The following CLDN14 variants were observed in gnomAD, a reference collection of about 807,000 sequenced individuals.
CLDN14 encodes the protein claudin 14, also known as claudin-14.
A neutral mutation model predicts 2.1 loss-of-function variants in CLDN14; 2 were observed. That is an observed-to-expected ratio of 0.96 (90% CI 0.39 to 3.01). The LOEUF (loss-of-function observed/expected upper bound fraction) is 3.01. Ranked by LOEUF, CLDN14 falls within the 30% of genes most tolerant of loss-of-function variation. The pLI is 0.09. For missense variants in CLDN14, 298 were observed against 328.0 expected (o/e 0.91, Z 0.71); for synonymous variants, 136 against 154.4 (o/e 0.88, Z 0.88).
rs755257925 is a variant in CLDN14 at position 36,486,710 on chromosome 21, A to G, written c.-82+23653T>C. 8.9e-6 allele frequency: 11 copies of G among 1,230,306 alleles called. No homozygotes were observed. The East Asian group carries it at 1.9e-4, about 21-fold the overall frequency. 76.2% of individuals were successfully genotyped at this position (1,230,306 alleles called of 1,614,324 possible). On this transcript the variant is annotated intron_variant, in intron 2 of 2. Coordinates refer to the CLDN14 transcript ENST00000342108. Reference sequence around the variant, plus strand: ...GTCAACATTTACTTTCTCCTTCTTGAGGAATTTAGCCAGTTTCACCAGATC... The same window carrying G: ...GTCAACATTTACTTTCTCCTTCTTGGGGAATTTAGCCAGTTTCACCAGATC...
chr21:36,504,669 C>T lies in CLDN14; in HGVS notation c.-82+5694G>A, dbSNP rs553089692. 8.4e-4 allele frequency among the ~76,000 whole-genome samples: 128 copies of T among 152,226 alleles called. 1 individual carries two copies. Among genetic ancestry groups the T allele is most frequent in the Non-Finnish European group, 1.3e-3 (87 of 68,016 alleles). On this transcript the variant is annotated intron_variant, in intron 2 of 2. Coordinates refer to the CLDN14 transcript ENST00000342108. ...TGGCTTGATAGAAAACAATTGCTTC[C>T]CTTTTATCCACATCCCCAAATTTCA... is the stretch of plus-strand genomic sequence containing the variant.
rs2086556072 is a variant in CLDN14, at chr21:36,460,783, A to G, written c.*193T>C. 6.4e-6 allele frequency: 4 copies of G among 629,246 alleles called. No individual in the cohort carries two copies. The highest frequency in any genetic ancestry group is 2.0e-5 in the South Asian group (1 of 49,318). 39.0% of individuals were successfully genotyped at this position (629,246 alleles called of 1,614,324 possible). ...AGGATTTTTTTTTTCAGTCTTTGGTATAGAGAGCTTTCTCCTCCTCTTATT... is the reference window on the plus strand; with the variant it reads ...AGGATTTTTTTTTTCAGTCTTTGGTGTAGAGAGCTTTCTCCTCCTCTTATT... On this transcript the variant is annotated 3_prime_UTR_variant, in exon 2 of 2. Transcript: ENST00000399135. The surrounding 1 kb of genome is among the most constrained non-coding windows in gnomAD (Gnocchi z 4.0).
intron 1 of CLDN14, among the ~76,000 whole-genome samples, chr21:36,521,693 G>A (rs2087272206): frequency 6.6e-6 from 1 of 152,202 alleles, no homozygotes; most frequent in Non-Finnish European, 1.5e-5. Flanking sequence ...GGTCACTGCT[G>A]GGAGTAGGGG....
chr21:36,515,789 C>CTCTGTTTT, intron 1 of CLDN14, among the ~76,000 whole-genome samples: 1 of 115,316 alleles, frequency 8.7e-6, no homozygotes, highest in South Asian at 2.7e-4. Flanking sequence ...TTTATCTTCT[C>CTCTGTTTT]TTTTTTTTTT....
rs219742 is a variant in CLDN14 at position 36,479,703 on chromosome 21, T to C, written c.-290A>G. ...TAGACAATTACAGTGTTCCTTAGAATGGCCTGCGTGGGCACACGTGCCACT... is the reference window on the plus strand; with the variant it reads ...TAGACAATTACAGTGTTCCTTAGAACGGCCTGCGTGGGCACACGTGCCACT... On this transcript the variant is annotated 5_prime_UTR_variant, in exon 1 of 2. Coordinates refer to ENST00000399135, the MANE Select transcript of CLDN14 (RefSeq NM_001146079.2). 0.33 allele frequency: 50,467 copies of C among 152,126 alleles called. 10,182 individuals are homozygous for C. The highest frequency in any genetic ancestry group is 0.58 in the African/African-American group (23,897 of 41,472). 9.4% of individuals were successfully genotyped at this position (152,126 alleles called of 1,614,324 possible). A position where few individuals can be genotyped will look rare whatever the true frequency, so the allele number is the denominator to read the frequency against.
chr21:36,479,411 C>G (rs558578944), intron 1 of CLDN14, 84 bp downstream of exon 1: 1 of 152,276 alleles, frequency 6.6e-6, no homozygotes, highest in East Asian at 1.9e-4. Flanking sequence ...CACATCTAAC[C>G]GGCAGGGCCT....
At chr21:36,471,721 T>C (rs527457289) in intron 1 of CLDN14, among the ~76,000 whole-genome samples, 46 of 152,306 alleles carry the variant, frequency 3.0e-4, no homozygotes, top group African/African-American at 9.6e-4. Context: ...AAACAAGCAA[T>C]AGGACATTGT....
intron 1 of CLDN14, among the ~76,000 whole-genome samples, chr21:36,523,744 T>A: frequency 5.6e-5 from 2 of 36,020 alleles, no homozygotes; most frequent in Non-Finnish European, 1.2e-4. Context: ...TGAGACTCCA[T>A]CTAAAAAAAA....
Position 36,475,737 on chromosome 21 carries a change from C to T in CLDN14, c.-82+3758G>A, listed in dbSNP as rs530379849. Among the ~76,000 whole-genome samples, 89 of 152,118 alleles carry T rather than the reference C, an allele frequency of 5.9e-4. 1 individual carries two copies. Among genetic ancestry groups the T allele is most frequent in the Middle Eastern group, 6.8e-3 (2 of 294 alleles). On this transcript the variant is annotated intron_variant, in intron 1 of 1. Coordinates refer to ENST00000399135, the MANE Select transcript of CLDN14 (RefSeq NM_001146079.2). The stretch of plus-strand genomic sequence containing the variant: ...AGCCCCGCTGGCTTCATTGATTTAA[C>T]TTTTTTTATTTTATTTTATTTTATT...
At chr21:36,568,381 A>G (rs1469988689) in intron 1 of CLDN14, among the ~76,000 whole-genome samples, 1 of 152,164 alleles carries the variant, frequency 6.6e-6, no homozygotes, top group African/African-American at 2.4e-5. Context: ...CCAACCCCTG[A>G]GCAATAAGGA....
intron 1 of CLDN14, among the ~76,000 whole-genome samples, chr21:36,478,963 T>A (rs1056834794): frequency 6.6e-6 from 1 of 152,188 alleles, no homozygotes; most frequent in South Asian, 2.1e-4. Flanking sequence ...TTGAGAGAGA[T>A]CTATCACTTC....
At chr21:36,523,675 G>C (rs1292936472) in intron 1 of CLDN14, among the ~76,000 whole-genome samples, 1 of 150,718 alleles carries the variant, frequency 6.6e-6, no homozygotes, top group African/African-American at 2.4e-5. Context: ...TTGGACCCGG[G>C]AGGTGGAGGT....
intron 2 of CLDN14, among the ~76,000 whole-genome samples, chr21:36,506,962 G>A (rs73382013): frequency 0.042 from 6,395 of 151,694 alleles, 450 homozygotes; most frequent in African/African-American, 0.14. Flanking sequence ...CTAAAAAAAT[G>A]AAAATAAAAA....
chr21:36,554,948 T>C (rs2087588416), intron 1 of CLDN14, among the ~76,000 whole-genome samples: 1 of 152,218 alleles, frequency 6.6e-6, no homozygotes, highest in Non-Finnish European at 1.5e-5. Context: ...TCCATATTTA[T>C]AGAATTGCTT....
intron 2 of CLDN14, among the ~76,000 whole-genome samples, chr21:36,506,402 G>C (rs2079648961): frequency 6.6e-6 from 1 of 152,144 alleles, no homozygotes; most frequent in African/African-American, 2.4e-5. Context: ...TTCAAGACCA[G>C]CCTGACCAGC....
At chr21:36,495,317 G>A (rs2087006191) in intron 2 of CLDN14, among the ~76,000 whole-genome samples, 1 of 152,142 alleles carries the variant, frequency 6.6e-6, no homozygotes, top group African/African-American at 2.4e-5. Flanking sequence ...CAACAAGCGT[G>A]AAACTCCATC....
chr21:36,469,143 A>C (rs1409717362), intron 1 of CLDN14, among the ~76,000 whole-genome samples: 1 of 152,196 alleles, frequency 6.6e-6, no homozygotes, highest in Non-Finnish European at 1.5e-5. Context: ...CAAGAAGCTT[A>C]GGGATACTTT....
chr21:36,546,624 A>G (rs1027360865), intron 1 of CLDN14, among the ~76,000 whole-genome samples: 3 of 152,206 alleles, frequency 2.0e-5, no homozygotes, highest in Admixed American at 2.0e-4. Context: ...AAAATGTCAG[A>G]CACAATGTAA....
chr21:36,543,344 T>C (rs888591503), intron 1 of CLDN14, among the ~76,000 whole-genome samples: 1 of 152,164 alleles, frequency 6.6e-6, no homozygotes, highest in Admixed American at 6.5e-5. Context: ...GCTCTTTGAG[T>C]TGGGGGAGAC....
Sources: allele counts gnomAD v4.1 joint callset (sites outside exome capture counted in the v4.1 genomes callset), GRCh38; gene constraint gnomAD v4.1.1; non-coding constraint Gnocchi (gnomAD v3.1); transcripts MANE v1.5; gene names NCBI Gene and HGNC (gene_info 2026-07-23, HGNC 2026-07-21).